The following RIMKLB variants were observed in gnomAD, a reference collection of about 807,000 sequenced individuals.
RIMKLB encodes the protein beta-citrylglutamate synthase B.
A neutral mutation model predicts 32.0 loss-of-function variants in RIMKLB; 7 were observed. That is an observed-to-expected ratio of 0.22 (90% CI 0.12 to 0.41). The LOEUF (loss-of-function observed/expected upper bound fraction) is 0.41. RIMKLB is among the 10% of genes least tolerant of loss of function. RIMKLB has a pLI of 1.00. For missense variants in RIMKLB, 289 were observed against 498.7 expected, an observed-to-expected ratio of 0.58 and a Z score of 4.00; for synonymous variants, 172 against 185.1, an observed-to-expected ratio of 0.93 and a Z score of 0.57.
At chr12:8,690,935 A>G (rs767517128) in intron 1 of RIMKLB, among the ~76,000 whole-genome samples, 1 of 152,224 alleles carries the variant, frequency 6.6e-6, no homozygotes, top group South Asian at 2.1e-4. Context: ...AAACAAAACA[A>G]AACAAAAAAA....
chr12:8,689,451 A>C (rs768777466), intron 1 of RIMKLB, among the ~76,000 whole-genome samples: 1 of 152,236 alleles, frequency 6.6e-6, no homozygotes, highest in African/African-American at 2.4e-5. Context: ...CATTTTGCTC[A>C]ATTAATATTT....
intron 1 of RIMKLB, among the ~76,000 whole-genome samples, chr12:8,709,667 C>T (rs975497571): frequency 1.3e-5 from 2 of 152,026 alleles, no homozygotes; most frequent in Non-Finnish European, 2.9e-5. Context: ...TACCACTGGA[C>T]AGGTTTCACT....
At chr12:8,680,098 C>G (rs1942376638), upstream of RIMKLB, among the ~76,000 whole-genome samples, 1 of 152,144 alleles carries the variant, frequency 6.6e-6, no homozygotes, top group African/African-American at 2.4e-5. Context: ...TTTACAAACG[C>G]CATAACAACA....
At chr12:8,731,346 C>G (rs945169964) in intron 2 of RIMKLB, among the ~76,000 whole-genome samples, 1 of 152,160 alleles carries the variant, frequency 6.6e-6, no homozygotes, top group Non-Finnish European at 1.5e-5. Context: ...GATCCACCCA[C>G]ATCGGCCTCC....
chr12:8,671,614 T>G, the RIMKLB span, among the ~76,000 whole-genome samples: 7 of 151,976 alleles, frequency 4.6e-5, no homozygotes, highest in African/African-American at 1.2e-4. Context: ...TCTGCTTTCC[T>G]TATAAAACTG....
At chr12:8,782,257 AT>A (rs1951125026) in intron 7 of RIMKLB, among the ~76,000 whole-genome samples, 1 of 152,108 alleles carries the variant, frequency 6.6e-6, no homozygotes, top group Non-Finnish European at 1.5e-5. Context: ...TATTGGCACA[AT>A]AATTTTGTTT....
intron 1 of RIMKLB, among the ~76,000 whole-genome samples, chr12:8,682,622 A>G (rs1396446992): frequency 6.6e-6 from 1 of 151,648 alleles, no homozygotes; most frequent in African/African-American, 2.4e-5. Context: ...AACACCAAAA[A>G]TTAGCCGGGC....
chr12:8,739,787 A>G (rs1591822160), intron 2 of RIMKLB, among the ~76,000 whole-genome samples: 1 of 152,008 alleles, frequency 6.6e-6, no homozygotes, highest in Non-Finnish European at 1.5e-5. Flanking sequence ...GTCTCTTCTT[A>G]TAAAGGCACT....
intron 2 of RIMKLB, among the ~76,000 whole-genome samples, chr12:8,739,670 C>T (rs1486614176): frequency 1.3e-5 from 2 of 152,152 alleles, no homozygotes; most frequent in Admixed American, 1.3e-4. Flanking sequence ...GACGAGGTCA[C>T]ACCATGTTGC....
chr12:8,764,461 C>T (rs1949786971), intron 5 of RIMKLB, among the ~76,000 whole-genome samples: 2 of 152,184 alleles, frequency 1.3e-5, no homozygotes, highest in Admixed American at 1.3e-4. Flanking sequence ...GTTCTCCAGT[C>T]ACAACTTAGT....
At chr12:8,728,663 G>A (rs1946253321) in intron 2 of RIMKLB, among the ~76,000 whole-genome samples, 1 of 152,034 alleles carries the variant, frequency 6.6e-6, no homozygotes, top group Admixed American at 6.6e-5. Context: ...CCAGGTTAGA[G>A]TGCAGTGGCA....
At chr12:8,750,813 C>CTG (rs1257125394) in intron 3 of RIMKLB, among the ~76,000 whole-genome samples, 1 of 152,156 alleles carries the variant, frequency 6.6e-6, no homozygotes, top group African/African-American at 2.4e-5. Flanking sequence ...CTGAGTAGCA[C>CTG]TGCTTTAAAC....
chr12:8,684,632 A>G (rs1297780895), intron 1 of RIMKLB, among the ~76,000 whole-genome samples: 1 of 151,060 alleles, frequency 6.6e-6, no homozygotes, highest in Non-Finnish European at 1.5e-5. Flanking sequence ...TTGTTCCAGC[A>G]CTTTTATTTT....
chr12:8,737,105 G>A (rs1192893071), intron 2 of RIMKLB, among the ~76,000 whole-genome samples: 1 of 152,130 alleles, frequency 6.6e-6, no homozygotes, highest in Non-Finnish European at 1.5e-5. Context: ...GAGCCATCGT[G>A]CCCAGCCTTA....
chr12:8,708,818 G>A (rs1460228939), intron 1 of RIMKLB, among the ~76,000 whole-genome samples: 1 of 152,198 alleles, frequency 6.6e-6, no homozygotes, highest in Admixed American at 6.5e-5. Context: ...CCAAGATGCA[G>A]TGCTGTTTTT....
chr12:8,723,981 A>G (rs970502950), intron 2 of RIMKLB, among the ~76,000 whole-genome samples: 1 of 143,652 alleles, frequency 7.0e-6, no homozygotes, highest in Admixed American at 6.8e-5. Flanking sequence ...ATGCCTGGCT[A>G]AGTTTTGTTT....
In RIMKLB at chr12:8,753,946, A is replaced by T. The variant is rs754482681; in HGVS notation, c.550A>T (p.Ile184Phe). ...KHHLADLSHL[I>F]RHEAPYLFQK... The stretch of plus-strand genomic sequence containing the variant: ...CCATTTGGCTGATCTAAGCCATCTT[A>T]TTCGCCATGAAGCGCCATACCTGTT... The change falls in exon 5 of 6, where the codon ATT (isoleucine) becomes TTT (phenylalanine). Residue 184 changes from isoleucine to phenylalanine, a missense_variant. By Grantham distance (21) the Ile-to-Phe change is conservative. Coordinates refer to ENST00000535829, the MANE Select transcript of RIMKLB (RefSeq NM_001297776.2). 2.5e-6 allele frequency: 4 copies of T among 1,613,938 alleles called. No individual in the cohort carries two copies. Among genetic ancestry groups the T allele is most frequent in the Non-Finnish European group, 3.4e-6 (4 of 1,179,858 alleles).
upstream of RIMKLB, among the ~76,000 whole-genome samples, chr12:8,676,600 T>C (rs1942344497): frequency 6.6e-6 from 1 of 151,826 alleles, no homozygotes; most frequent in Non-Finnish European, 1.5e-5. Flanking sequence ...GGTTTCACCA[T>C]GTTTGCCAGG....
chr12:8,779,666 G>C (rs890164657), downstream of RIMKLB: 4 of 152,026 alleles, frequency 2.6e-5, no homozygotes, highest in Non-Finnish European at 5.9e-5. Flanking sequence ...TGGGAGGGTG[G>C]AACAAAAACA....
Sources: allele counts gnomAD v4.1 joint callset (sites outside exome capture counted in the v4.1 genomes callset), GRCh38; gene constraint gnomAD v4.1.1; transcripts MANE v1.5; gene names NCBI Gene and HGNC (gene_info 2026-07-23, HGNC 2026-07-21).